BTG4: variants seen among roughly 807,000 people sequenced by gnomAD.
BTG4 encodes BTG anti-proliferation factor 4.
In BTG4, 10 loss-of-function variants were observed where a neutral mutation model predicts 19.3. That is an observed-to-expected ratio of 0.52 (90% CI 0.32 to 0.88). The LOEUF (loss-of-function observed/expected upper bound fraction) is 0.88, where lower values mean the gene tolerates loss of function less well. Ranked by LOEUF, BTG4 falls within the 40% of genes least tolerant of loss-of-function variation. The pLI is 0.04. For synonymous variants in BTG4, 91 were observed against 95.7 expected (o/e 0.95, Z 0.29); for missense variants, 238 against 281.9 (o/e 0.84, Z 1.11).
At chr11:111,498,244 A>G in intron 2 of BTG4, 109 bp from the exon 3 acceptor site, 1 of 1,261,570 alleles carries the variant, frequency 7.9e-7, no homozygotes, top group Non-Finnish European at 1.1e-6. Context: ...TCATCCCCTC[A>G]GCCTCCTTCC....
intron 5 of BTG4, among the ~76,000 whole-genome samples, chr11:111,472,505 G>A (rs1864131190): frequency 6.6e-6 from 1 of 152,152 alleles, no homozygotes; most frequent in South Asian, 2.1e-4. Context: ...TACAGTGCAT[G>A]GGACAGCTCC....
chr11:111,502,247 C>T (rs1157736634), intron 1 of BTG4, among the ~76,000 whole-genome samples: 1 of 152,096 alleles, frequency 6.6e-6, no homozygotes. Context: ...GCTAGGATTA[C>T]AGGTGTGAAC....
At chr11:111,400,879 C>G in the BTG4 span, 1 of 151,958 alleles carries the variant, frequency 6.6e-6, no homozygotes, top group Non-Finnish European at 1.5e-5. Flanking sequence ...CCAGAATAAC[C>G]ATAAGACAAC....
intron 5 of BTG4, among the ~76,000 whole-genome samples, chr11:111,483,623 G>A (rs542500320): frequency 1.3e-5 from 2 of 152,102 alleles, no homozygotes; most frequent in Non-Finnish European, 2.9e-5. Flanking sequence ...ACAGCAAATT[G>A]ACCAAGCTGA....
chr11:111,405,968 A>G, the BTG4 span, among the ~76,000 whole-genome samples: 2 of 152,238 alleles, frequency 1.3e-5, no homozygotes, highest in African/African-American at 2.4e-5. Context: ...CTTACTTAAT[A>G]ATAATTATTA....
At chr11:111,486,911 A>T (rs1865098306) in intron 5 of BTG4, among the ~76,000 whole-genome samples, 1 of 152,132 alleles carries the variant, frequency 6.6e-6, no homozygotes, top group African/African-American at 2.4e-5. Flanking sequence ...TGCACCTATC[A>T]ACCCATTACC....
At chr11:111,400,353 C>A in the BTG4 span, among the ~76,000 whole-genome samples, 1 of 152,172 alleles carries the variant, frequency 6.6e-6, no homozygotes, top group Non-Finnish European at 1.5e-5. Flanking sequence ...ATCTGTAGTA[C>A]TGGAGTTAAT....
intron 5 of BTG4, among the ~76,000 whole-genome samples, chr11:111,473,912 T>A (rs1192827195): frequency 6.6e-6 from 1 of 152,186 alleles, no homozygotes; most frequent in Non-Finnish European, 1.5e-5. Flanking sequence ...ACTGCTGTTT[T>A]ACAAAAGTTT....
At chr11:111,474,318 T>C (rs1864269938) in intron 5 of BTG4, among the ~76,000 whole-genome samples, 1 of 151,980 alleles carries the variant, frequency 6.6e-6, no homozygotes, top group Admixed American at 6.6e-5. Flanking sequence ...ACCAGTTCTT[T>C]AGAAGCAGCT....
chr11:111,387,298 G>C, the BTG4 span, among the ~76,000 whole-genome samples: 1 of 152,174 alleles, frequency 6.6e-6, no homozygotes, highest in Non-Finnish European at 1.5e-5. Flanking sequence ...CAAGTTCCCA[G>C]ACATCATCTG....
chr11:111,394,371 G>A, the BTG4 span, among the ~76,000 whole-genome samples: 16 of 152,176 alleles, frequency 1.1e-4, no homozygotes, highest in African/African-American at 3.6e-4. Flanking sequence ...AGTCATAGGG[G>A]CAGTTCCCCC....
intron 5 of BTG4, among the ~76,000 whole-genome samples, chr11:111,474,500 G>A (rs1324134599): frequency 1.3e-5 from 2 of 152,132 alleles, no homozygotes; most frequent in Non-Finnish European, 2.9e-5. Flanking sequence ...ATTGTGGGAG[G>A]TAGTTGTAGT....
chr11:111,391,768 C>T, the BTG4 span, among the ~76,000 whole-genome samples: 67 of 152,212 alleles, frequency 4.4e-4, no homozygotes, highest in African/African-American at 1.4e-3. Flanking sequence ...GTCATAGTCA[C>T]GCTTCTTTTA....
the BTG4 span, among the ~76,000 whole-genome samples, chr11:111,434,428 G>A: frequency 6.6e-6 from 1 of 152,092 alleles, no homozygotes; most frequent in Non-Finnish European, 1.5e-5. Context: ...GGATAGCGTT[G>A]GGAGAAATAC....
chr11:111,487,221 T>C (rs900844452), intron 5 of BTG4, among the ~76,000 whole-genome samples: 5 of 152,224 alleles, frequency 3.3e-5, no homozygotes, highest in Admixed American at 1.3e-4. Context: ...CAGACTATCA[T>C]TGATGGGCAT....
At chr11:111,460,293 ATC>A in the BTG4 span, 2 of 152,646 alleles carry the variant, frequency 1.3e-5, no homozygotes, top group Non-Finnish European at 2.9e-5. Context: ...GCTCAAACGG[ATC>A]TCTCTGCCAG....
At chr11:111,395,200 C>A in the BTG4 span, among the ~76,000 whole-genome samples, 4 of 152,268 alleles carry the variant, frequency 2.6e-5, no homozygotes, top group Admixed American at 2.6e-4. Flanking sequence ...CCCAGGGGCT[C>A]TGCTGCAGGT....
At chr11:111,480,195 T>C (rs1249857797) in intron 5 of BTG4, among the ~76,000 whole-genome samples, 2 of 152,132 alleles carry the variant, frequency 1.3e-5, no homozygotes, top group African/African-American at 4.8e-5. Context: ...AATGGCTATA[T>C]TAATATCAGA....
At chr11:111,512,598 A>AG (rs1029147194), upstream of BTG4, among the ~76,000 whole-genome samples, 40 of 152,066 alleles carry the variant, frequency 2.6e-4, no homozygotes, top group African/African-American at 9.4e-4. Flanking sequence ...GAGGAGGCGA[A>AG]GGGGAAAGGA....
Sources: gnomAD v4.1 joint callset for allele counts (sites outside exome capture counted in the v4.1 genomes callset) on GRCh38, gnomAD v4.1.1 for gene constraint, MANE v1.5 for transcripts, NCBI Gene and HGNC (gene_info 2026-07-23, HGNC 2026-07-21) for gene names.